Variants in ADD3 observed in about 807,000 individuals in gnomAD.
The protein encoded by ADD3 is adducin 3.
In ADD3, 25 loss-of-function variants were observed where a neutral mutation model predicts 80.2. The ratio of observed to expected loss-of-function variants is 0.31; its 90% CI spans 0.23 to 0.44. The LOEUF (loss-of-function observed/expected upper bound fraction) is 0.44, where lower values mean the gene tolerates loss of function less well. ADD3 is among the 20% of genes least tolerant of loss of function. The pLI, the probability that ADD3 is intolerant of heterozygous loss-of-function variation, is 1.00. For missense variants in ADD3, 829 were observed against 847.5 expected, an observed-to-expected ratio of 0.98 and a Z score of 0.27; for synonymous variants, 284 against 289.6, an observed-to-expected ratio of 0.98 and a Z score of 0.20.
chr10:110,001,414 CA>C (rs35498781), upstream of ADD3, among the ~76,000 whole-genome samples: 85,732 of 120,432 alleles, frequency 0.71, 30,119 homozygotes, highest in Non-Finnish European at 0.81. Flanking sequence ...GACCCTGTCT[CA>C]AAAAAAAAAA....
chr10:110,029,897 A>C (rs1223462972), intron 1 of ADD3, among the ~76,000 whole-genome samples: 1 of 152,210 alleles, frequency 6.6e-6, no homozygotes, highest in Non-Finnish European at 1.5e-5. Flanking sequence ...ATTGGCCTTT[A>C]AAAATTGCCC....
intron 8 of ADD3, 28 bp downstream of exon 8, chr10:110,119,592 T>G: frequency 6.3e-7 from 1 of 1,577,672 alleles, no homozygotes; most frequent in Non-Finnish European, 8.7e-7. Context: ...CCTTTTTTAA[T>G]TGCTTTGTTA....
chr10:110,005,453 T>C (rs987724150), upstream of ADD3, among the ~76,000 whole-genome samples: 3 of 152,216 alleles, frequency 2.0e-5, no homozygotes, highest in Non-Finnish European at 4.4e-5. Flanking sequence ...CAAGTATGCT[T>C]ATAGGTAGGA....
chr10:110,008,912 TA>T (rs2132925346), intron 1 of ADD3, among the ~76,000 whole-genome samples: 1 of 152,190 alleles, frequency 6.6e-6, no homozygotes, highest in East Asian at 1.9e-4. Context: ...AGCTTCCTGC[TA>T]GGGGTGACAA....
At chr10:110,070,494 T>C (rs1844535431) in intron 1 of ADD3, among the ~76,000 whole-genome samples, 1 of 152,234 alleles carries the variant, frequency 6.6e-6, no homozygotes, top group South Asian at 2.1e-4. Flanking sequence ...TCAGTACTGC[T>C]GTAGGTTGCA....
intron 1 of ADD3, among the ~76,000 whole-genome samples, chr10:110,020,391 G>A (rs535444337): frequency 1.9e-4 from 29 of 152,140 alleles, no homozygotes; most frequent in Non-Finnish European, 3.7e-4. Flanking sequence ...GTGTTTGGGC[G>A]TAATTGCAGA....
chr10:110,051,405 T>C (rs1857499024), intron 1 of ADD3, among the ~76,000 whole-genome samples: 2 of 152,206 alleles, frequency 1.3e-5, no homozygotes, highest in Admixed American at 1.3e-4. Context: ...TATACAGTGG[T>C]TCCTCCAAAA....
intron 1 of ADD3, among the ~76,000 whole-genome samples, chr10:110,092,006 C>T (rs763987502): frequency 4.6e-5 from 7 of 152,308 alleles, no homozygotes; most frequent in Non-Finnish European, 7.4e-5. Context: ...CACTAATCAT[C>T]AGAGAAGTGC....
chr10:110,046,918 T>C (rs991450692), intron 1 of ADD3, among the ~76,000 whole-genome samples: 2 of 152,106 alleles, frequency 1.3e-5, no homozygotes, highest in Non-Finnish European at 2.9e-5. Flanking sequence ...TTTTTTTGGT[T>C]TTATGAGGTT....
chr10:110,017,359 C>G (rs764877029), intron 1 of ADD3, among the ~76,000 whole-genome samples: 1 of 152,110 alleles, frequency 6.6e-6, no homozygotes, highest in Non-Finnish European at 1.5e-5. Flanking sequence ...AGAATCAGGA[C>G]GTATACATGA....
intron 1 of ADD3, among the ~76,000 whole-genome samples, chr10:110,023,271 C>T (rs948249934): frequency 5.3e-5 from 8 of 152,184 alleles, no homozygotes; most frequent in Non-Finnish European, 1.0e-4. Context: ...CTCACTCCTT[C>T]CTCCATGTGA....
intron 13 of ADD3, among the ~76,000 whole-genome samples, chr10:110,130,814 C>A (rs1330284310): frequency 6.6e-6 from 1 of 151,486 alleles, no homozygotes; most frequent in East Asian, 1.9e-4. Context: ...TGAGATCGCA[C>A]CACTGCACTG....
At position 110,117,900 on chromosome 10, in the gene ADD3, C is replaced by T. The variant is rs368311442; in HGVS notation, c.567+478C>T. 3.0e-4 allele frequency among the ~76,000 whole-genome samples: 46 copies of T among 152,006 alleles called. 1 individual carries two copies. In the East Asian group the frequency reaches 3.9e-3, roughly 13 times the overall value. ...GCGTGGTGGCACACACCTGTAATCC[C>T]GGCTACTCGGGAGGCTGAGGCAGGA... On this transcript the variant is annotated intron_variant, in intron 5 of 14. Transcript: ENST00000356080.
chr10:110,025,836 T>C (rs1854223818), intron 1 of ADD3, among the ~76,000 whole-genome samples: 1 of 152,178 alleles, frequency 6.6e-6, no homozygotes, highest in Non-Finnish European at 1.5e-5. Context: ...TGACCTTCCC[T>C]AGAGCAGGGT....
intron 1 of ADD3, among the ~76,000 whole-genome samples, chr10:110,057,429 G>T (rs749510500): frequency 1.3e-5 from 2 of 152,120 alleles, no homozygotes; most frequent in Non-Finnish European, 2.9e-5. Context: ...TTCCCAAAGT[G>T]CTGGGATTAT....
chr10:110,132,212 A>G (rs1853112721), intron 13 of ADD3, 93 bp from the exon 14 acceptor site: 1 of 767,264 alleles, frequency 1.3e-6, no homozygotes, highest in South Asian at 1.6e-5. Context: ...ATCTCTTTGT[A>G]TACAGGCATT....
chr10:110,035,459 A>G (rs1177465834), intron 1 of ADD3, among the ~76,000 whole-genome samples: 2 of 152,250 alleles, frequency 1.3e-5, no homozygotes, highest in Non-Finnish European at 2.9e-5. Flanking sequence ...TGACTCCATC[A>G]GGAAGCGAAG....
intron 2 of ADD3, among the ~76,000 whole-genome samples, chr10:110,105,116 A>G (rs1300349304): frequency 6.6e-6 from 1 of 152,154 alleles, no homozygotes; most frequent in Non-Finnish European, 1.5e-5. Context: ...AAAATAACAA[A>G]TAATTTTTGT....
At chr10:110,008,947 G>T (rs1423079411) in intron 1 of ADD3, among the ~76,000 whole-genome samples, 1 of 152,158 alleles carries the variant, frequency 6.6e-6, no homozygotes, top group African/African-American at 2.4e-5. Context: ...CAGGTCTGGT[G>T]TGCTGGTGTT....
Sources: allele counts gnomAD v4.1 joint callset (sites outside exome capture counted in the v4.1 genomes callset), GRCh38; gene constraint gnomAD v4.1.1; transcripts MANE v1.5; gene names NCBI Gene and HGNC (gene_info 2026-07-23, HGNC 2026-07-21).